The following WWC2 variants were observed in gnomAD, a reference collection of about 807,000 sequenced individuals.
The protein encoded by WWC2 is WW and C2 domain containing 2.
In WWC2, 101 loss-of-function variants were observed where a neutral mutation model predicts 138.5. The observed-to-expected ratio is 0.73, with a 90% confidence interval of 0.62 to 0.86. WWC2 has a LOEUF of 0.86. WWC2 is among the 40% of genes least tolerant of loss of function. The probability of loss-of-function intolerance (pLI) is 0.00; values close to 1 mark genes in which losing one functional copy is unlikely to be tolerated. For missense variants in WWC2, 1,420 were observed against 1,419.4 expected (o/e 1.00, Z -0.01); for synonymous variants, 558 against 538.4 (o/e 1.04, Z -0.50).
chr4:183,169,338 A>G lies in WWC2; in HGVS notation c.132-24261A>G, dbSNP rs183151770. Among the ~76,000 whole-genome samples, 209 of 152,378 alleles carry G rather than the reference A, an allele frequency of 1.4e-3. 1 individual carries two copies. Among genetic ancestry groups the G allele is most frequent in the African/African-American group, 4.9e-3 (203 of 41,592 alleles). ...AGAGTTGAGGAAGGACTGACTGACA[A>G]GTACGCTTCATGTGTTTTTTACACA... On this transcript the variant is annotated intron_variant, in intron 1 of 22. Coordinates refer to ENST00000403733, the MANE Select transcript of WWC2 (RefSeq NM_024949.6).
At chr4:183,181,251 TCA>T (rs1160472096) in intron 1 of WWC2, among the ~76,000 whole-genome samples, 1 of 152,214 alleles carries the variant, frequency 6.6e-6, no homozygotes, top group African/African-American at 2.4e-5. Context: ...AAATTGCATA[TCA>T]CAGTAAAAAG....
intron 2 of WWC2, among the ~76,000 whole-genome samples, chr4:183,195,569 G>A (rs912263295): frequency 3.9e-5 from 6 of 152,038 alleles, no homozygotes; most frequent in South Asian, 2.1e-4. Flanking sequence ...ATTTTAAAAT[G>A]TTCTCCCACC....
Position 183,289,562 on chromosome 4 carries a change from G to C in WWC2, c.3311G>C (p.Gly1104Ala), listed in dbSNP as rs1738370140. The C allele has an allele frequency of 6.2e-7, 1 of 1,613,868 alleles. No homozygotes were observed. Among genetic ancestry groups the C allele is most frequent in the South Asian group, 1.1e-5 (1 of 91,074 alleles). Residue 1104 changes from glycine to alanine, a missense_variant, in exon 21 of 23, where the codon GGA becomes GCA. Transcript: ENST00000403733. Reference sequence around the variant, plus strand: ...AAGCTGGAGGAACTGAAAGCTCAGGGAGAGACTGACCTTCCACCAGGCGTG... The same window carrying C: ...AAGCTGGAGGAACTGAAAGCTCAGGCAGAGACTGACCTTCCACCAGGCGTG... ...RQKLEELKAQ[G>A]ETDLPPGVLE...
intron 1 of WWC2, among the ~76,000 whole-genome samples, chr4:183,104,232 C>A (rs570667297): frequency 1.3e-5 from 2 of 152,242 alleles, no homozygotes; most frequent in South Asian, 4.1e-4. Context: ...CTCCTGGAGT[C>A]CCCGATTGCT....
chr4:183,114,588 T>C (rs567466744), intron 1 of WWC2, among the ~76,000 whole-genome samples: 5 of 152,244 alleles, frequency 3.3e-5, no homozygotes, highest in African/African-American at 1.2e-4. Flanking sequence ...GGTTCCAAGA[T>C]TGAGCCTTGA....
At chr4:183,235,305 C>G (rs1418037850) in intron 4 of WWC2, among the ~76,000 whole-genome samples, 1 of 152,140 alleles carries the variant, frequency 6.6e-6, no homozygotes, top group African/African-American at 2.4e-5. Context: ...GAGGAGAGTC[C>G]AACTTTGTCA....
chr4:183,150,010 T>A (rs1733595433), intron 1 of WWC2, among the ~76,000 whole-genome samples: 2 of 152,158 alleles, frequency 1.3e-5, no homozygotes. Flanking sequence ...AGCTATGGGG[T>A]TCTCCTGGGA....
intron 4 of WWC2, among the ~76,000 whole-genome samples, chr4:183,236,018 A>G (rs1447188670): frequency 6.6e-6 from 1 of 152,032 alleles, no homozygotes; most frequent in African/African-American, 2.4e-5. Context: ...AACTGTTTTC[A>G]CTTGATTTTT....
At chr4:183,195,310 G>A (rs1000192249) in intron 2 of WWC2, among the ~76,000 whole-genome samples, 3 of 152,148 alleles carry the variant, frequency 2.0e-5, no homozygotes, top group East Asian at 3.9e-4. Flanking sequence ...TGGGAAACCA[G>A]AAACCAACCT....
At chr4:183,190,906 C>G (rs906909097) in intron 1 of WWC2, among the ~76,000 whole-genome samples, 1 of 152,190 alleles carries the variant, frequency 6.6e-6, no homozygotes, top group African/African-American at 2.4e-5. Context: ...GTCATACTCA[C>G]GCTTAAGCAC....
At chr4:183,152,351 T>C (rs1733657549) in intron 1 of WWC2, among the ~76,000 whole-genome samples, 1 of 151,694 alleles carries the variant, frequency 6.6e-6, no homozygotes, top group South Asian at 2.1e-4. Flanking sequence ...ATAAAAAAAT[T>C]AGCTTGGCAT....
chr4:183,171,581 A>G (rs1170566585), intron 1 of WWC2, among the ~76,000 whole-genome samples: 1 of 152,202 alleles, frequency 6.6e-6, no homozygotes, highest in Admixed American at 6.5e-5. Flanking sequence ...TAAAATTAAA[A>G]TTGGAAACTT....
intron 1 of WWC2, among the ~76,000 whole-genome samples, chr4:183,183,563 C>G (rs1734705101): frequency 6.6e-6 from 1 of 152,196 alleles, no homozygotes; most frequent in South Asian, 2.1e-4. Flanking sequence ...GGGCGGATCA[C>G]TTGAGCTCAG....
chr4:183,147,467 G>A (rs541339693), intron 1 of WWC2, among the ~76,000 whole-genome samples: 1 of 152,324 alleles, frequency 6.6e-6, no homozygotes, highest in East Asian at 1.9e-4. Flanking sequence ...CTTCCCTTCA[G>A]TCATGGGTGA....
At chr4:183,192,538 G>T (rs537853529) in intron 1 of WWC2, among the ~76,000 whole-genome samples, 10 of 152,236 alleles carry the variant, frequency 6.6e-5, no homozygotes, top group Admixed American at 2.0e-4. Context: ...TGCAGAGCAG[G>T]CCTGGAAAAA....
intron 8 of WWC2, among the ~76,000 whole-genome samples, chr4:183,250,599 A>G (rs1424556671): frequency 2.6e-5 from 4 of 152,142 alleles, no homozygotes; most frequent in Admixed American, 6.5e-5. Context: ...TTCCGTCTCA[A>G]CAACAACAAC....
At chr4:183,118,022 A>T (rs922521038) in intron 1 of WWC2, among the ~76,000 whole-genome samples, 1 of 149,958 alleles carries the variant, frequency 6.7e-6, no homozygotes, top group Admixed American at 6.6e-5. Flanking sequence ...CTGGTCTTGA[A>T]CTGCTGACTT....
intron 1 of WWC2, among the ~76,000 whole-genome samples, chr4:183,178,809 T>C (rs888538128): frequency 1.3e-5 from 2 of 152,164 alleles, no homozygotes; most frequent in Admixed American, 1.3e-4. Context: ...CAAGTAAGGC[T>C]AAGGCATCAT....
Position 183,289,389 on chromosome 4 carries a change from C to T in WWC2, c.3142-4C>T, listed in dbSNP as rs778166268. On this transcript the variant is annotated splice_region_variant and splice_polypyrimidine_tract_variant and intron_variant, in intron 20 of 22. Coordinates refer to ENST00000403733, the MANE Select transcript of WWC2 (RefSeq NM_024949.6). ...TGTTCGTCATTCCGTTTCTAACTAT[C>T]CAGACGGTTTGCCAGTCAGTCCTTA... The T allele has an allele frequency of 4.3e-6, 7 of 1,610,338 alleles. No homozygotes were observed. The highest frequency in any genetic ancestry group is 3.4e-6 in the Non-Finnish European group (4 of 1,178,186).
Sources: allele counts gnomAD v4.1 joint callset (sites outside exome capture counted in the v4.1 genomes callset), GRCh38; gene constraint gnomAD v4.1.1; transcripts MANE v1.5; gene names NCBI Gene and HGNC (gene_info 2026-07-23, HGNC 2026-07-21).